The following SNTG1 variants were observed in gnomAD, a reference collection of about 807,000 sequenced individuals.
SNTG1 encodes the protein syntrophin gamma 1.
SNTG1 carries 39 observed loss-of-function variants against 74.7 expected under a neutral mutation model. The observed-to-expected ratio is 0.52, with a 90% CI of 0.40 to 0.68. The LOEUF (loss-of-function observed/expected upper bound fraction) is 0.68, where lower values mean the gene tolerates loss of function less well. Ranked by LOEUF, SNTG1 falls within the 30% of genes least tolerant of loss-of-function variation. The probability of loss-of-function intolerance (pLI) is 0.00; values close to 1 mark genes in which losing one functional copy is unlikely to be tolerated. For missense variants in SNTG1, 685 were observed against 609.5 expected, an observed-to-expected ratio of 1.12 and a Z score of -1.30; for synonymous variants, 254 against 217.1, an observed-to-expected ratio of 1.17 and a Z score of -1.49.
At chr8:50,438,712 C>T in intron 5 of SNTG1, 113 bp downstream of exon 5, 1 of 805,262 alleles carries the variant, frequency 1.2e-6, no homozygotes, top group Non-Finnish European at 2.0e-6. Flanking sequence ...TAGCAAACTC[C>T]TTAATATTTG....
At position 50,695,616 on chromosome 8, in the gene SNTG1, C is replaced by T. The variant is rs577446028; in HGVS notation, c.1039-8984C>T. 4.0e-5 allele frequency among the ~76,000 whole-genome samples: 6 copies of T among 151,654 alleles called. No individual in the cohort carries two copies. The South Asian group carries it at 8.3e-4, about 21-fold the overall frequency. On this transcript the variant is annotated intron_variant, in intron 15 of 18. Coordinates refer to ENST00000642720, the MANE Select transcript of SNTG1 (RefSeq NM_018967.5). ...AATAGGTAAATTTTTAATCTTTACC[C>T]ATATTCCACCCTCTTACTCTTTGAA...
At chr8:50,170,157 C>A (rs886834107) in intron 1 of SNTG1, among the ~76,000 whole-genome samples, 4 of 152,102 alleles carry the variant, frequency 2.6e-5, no homozygotes, top group African/African-American at 9.7e-5. Flanking sequence ...CAGGAGCGGA[C>A]CAGCCTCAGT....
At chr8:50,735,135 A>G (rs555224149) in intron 17 of SNTG1, among the ~76,000 whole-genome samples, 1 of 151,546 alleles carries the variant, frequency 6.6e-6, no homozygotes, top group Non-Finnish European at 1.5e-5. Flanking sequence ...TTAAGCAATA[A>G]TTACTCATTC....
chr8:50,214,047 G>T (rs959995135), intron 2 of SNTG1, among the ~76,000 whole-genome samples: 12 of 151,826 alleles, frequency 7.9e-5, no homozygotes, highest in Admixed American at 2.6e-4. Context: ...TTCTTCTAGG[G>T]TTTTTATGGT....
At chr8:50,561,338 T>C (rs1490612558) in intron 12 of SNTG1, among the ~76,000 whole-genome samples, 1 of 152,062 alleles carries the variant, frequency 6.6e-6, no homozygotes, top group African/African-American at 2.4e-5. Context: ...CATAAATTAC[T>C]GAGTGTCAGG....
chr8:49,986,029 G>T (rs576011397), intron 1 of SNTG1, among the ~76,000 whole-genome samples: 1 of 152,128 alleles, frequency 6.6e-6, no homozygotes, highest in African/African-American at 2.4e-5. Context: ...ACAAATAAAA[G>T]AATTAGGTTC....
At chr8:50,097,920 T>C (rs953084492) in intron 1 of SNTG1, among the ~76,000 whole-genome samples, 13 of 152,222 alleles carry the variant, frequency 8.5e-5, no homozygotes, top group Non-Finnish European at 1.6e-4. Flanking sequence ...ATGGTTATAC[T>C]TGGCATGCTT....
intron 13 of SNTG1, among the ~76,000 whole-genome samples, chr8:50,656,107 G>A (rs531143109): frequency 1.8e-4 from 27 of 152,230 alleles, no homozygotes; most frequent in Middle Eastern, 3.4e-3. Context: ...TAAAGCCAAC[G>A]TAAATTATAT....
intron 8 of SNTG1, among the ~76,000 whole-genome samples, chr8:50,462,785 C>A (rs373892890): frequency 1.6e-5 from 2 of 128,056 alleles, no homozygotes; most frequent in South Asian, 2.6e-4. Flanking sequence ...GTCGCATCTT[C>A]AGGTTCTACT....
chr8:50,080,226 G>A (rs147170494), intron 1 of SNTG1, among the ~76,000 whole-genome samples: 14 of 152,098 alleles, frequency 9.2e-5, no homozygotes, highest in Admixed American at 2.6e-4. Context: ...CCTTCTCATC[G>A]CTGTACTATT....
At chr8:50,091,667 C>T (rs1053723167) in intron 1 of SNTG1, among the ~76,000 whole-genome samples, 1 of 151,950 alleles carries the variant, frequency 6.6e-6, no homozygotes, top group Non-Finnish European at 1.5e-5. Flanking sequence ...GTGTATGTAT[C>T]ATGATTCTAT....
intron 13 of SNTG1, among the ~76,000 whole-genome samples, chr8:50,643,630 GCA>G (rs2095087908): frequency 6.6e-6 from 1 of 152,196 alleles, no homozygotes; most frequent in Non-Finnish European, 1.5e-5. Flanking sequence ...TCCACTTGAA[GCA>G]CTTTTTGAAA....
At position 50,792,793 on chromosome 8, in the gene SNTG1, C is replaced by G. The variant is rs752300675; in HGVS notation, c.1518C>G (p.Ser506Arg). The G allele has an allele frequency of 6.2e-7, 1 of 1,612,292 alleles. No individual in the cohort carries two copies. Among genetic ancestry groups the G allele is most frequent in the Non-Finnish European group, 8.5e-7 (1 of 1,178,792 alleles). ...AAGCTACTGCTTCTACTGCTGCCAG[C>G]TCTGCTACCACGAGCAAAGCAAAGT... The part of the protein sequence containing the change: ...GNQATASTAA[S>R]SATTSKAKYT... Residue 506 changes from serine (S) to arginine (R), a missense_variant, in exon 19 of 19, where the codon AGC (serine) becomes AGG (arginine). Physicochemically the swap from Ser to Arg is moderately radical, Grantham distance 110. Transcript: ENST00000642720.
intron 8 of SNTG1, among the ~76,000 whole-genome samples, chr8:50,492,208 G>A (rs2093862817): frequency 6.6e-6 from 1 of 152,180 alleles, no homozygotes; most frequent in African/African-American, 2.4e-5. Context: ...GTGTGCATGT[G>A]TCTTTATGGT....
intron 2 of SNTG1, among the ~76,000 whole-genome samples, chr8:50,236,740 G>A (rs988697777): frequency 1.3e-5 from 2 of 151,970 alleles, no homozygotes; most frequent in Non-Finnish European, 2.9e-5. Context: ...GTGAGCCACC[G>A]CGCCCGGCCA....
chr8:50,343,428 A>G (rs1248144339), intron 2 of SNTG1, among the ~76,000 whole-genome samples: 2 of 152,226 alleles, frequency 1.3e-5, no homozygotes, highest in Non-Finnish European at 2.9e-5. Flanking sequence ...AAGAACAATC[A>G]GTTAGTGTCA....
chr8:49,960,225 A>G (rs1321074769), intron 1 of SNTG1, among the ~76,000 whole-genome samples: 1 of 152,190 alleles, frequency 6.6e-6, no homozygotes, highest in Non-Finnish European at 1.5e-5. Flanking sequence ...GTATGCAGTG[A>G]TTTGTTTTCT....
intron 1 of SNTG1, among the ~76,000 whole-genome samples, chr8:49,994,420 T>C (rs1813998603): frequency 2.2e-5 from 2 of 90,880 alleles, no homozygotes; most frequent in South Asian, 7.0e-4. Context: ...CATGCCCGGC[T>C]ATTTTTTTTT....
intron 15 of SNTG1, among the ~76,000 whole-genome samples, chr8:50,660,738 G>A (rs1434253797): frequency 6.6e-6 from 1 of 152,008 alleles, no homozygotes; most frequent in African/African-American, 2.4e-5. Flanking sequence ...AGAACATAAT[G>A]CAGTTTACTA....
Sources: gnomAD v4.1 joint callset for allele counts (sites outside exome capture counted in the v4.1 genomes callset) on GRCh38, gnomAD v4.1.1 for gene constraint, MANE v1.5 for transcripts, NCBI Gene and HGNC (gene_info 2026-07-23, HGNC 2026-07-21) for gene names.